EHBP1: variants seen among roughly 807,000 people sequenced by gnomAD.
EHBP1 encodes the protein EH domain binding protein 1.
Under a neutral mutation model 144.0 loss-of-function variants are expected in EHBP1, and 55 were observed. The observed-to-expected ratio is 0.38, with a 90% CI of 0.31 to 0.48. The LOEUF (loss-of-function observed/expected upper bound fraction) is 0.48, where lower values mean the gene tolerates loss of function less well. Among genes scored for constraint, EHBP1 ranks in the 20% least tolerant of loss-of-function variants. The pLI is 0.98. For synonymous variants in EHBP1, 469 were observed against 472.7 expected, an observed-to-expected ratio of 0.99 and a Z score of 0.10; for missense variants, 1,200 against 1,364.2, an observed-to-expected ratio of 0.88 and a Z score of 1.90.
intron 6 of EHBP1, among the ~76,000 whole-genome samples, chr2:62,827,351 A>T (rs180918279): frequency 6.6e-6 from 1 of 152,134 alleles, no homozygotes; most frequent in African/African-American, 2.4e-5. Context: ...AAAAATAAAG[A>T]TCTTACCCTG....
intron 10 of EHBP1, among the ~76,000 whole-genome samples, chr2:62,920,465 A>G (rs1262128408): frequency 2.0e-5 from 3 of 152,226 alleles, no homozygotes; most frequent in Non-Finnish European, 4.4e-5. Flanking sequence ...TTGCCCTGCA[A>G]GAAGTGCTAA....
At chr2:62,770,563 T>A (rs993637925) in intron 4 of EHBP1, among the ~76,000 whole-genome samples, 2 of 152,160 alleles carry the variant, frequency 1.3e-5, no homozygotes, top group Admixed American at 1.3e-4. Flanking sequence ...GTGGTAGGAA[T>A]GTAAATTAGT....
At chr2:62,829,571 T>TTG (rs56847662) in intron 6 of EHBP1, among the ~76,000 whole-genome samples, 17,163 of 142,352 alleles carry the variant, frequency 0.12, 1,334 homozygotes, top group Non-Finnish European at 0.17. Flanking sequence ...GTGTTCTATG[T>TTG]TGTGTGTGTG....
chr2:62,868,058 A>G lies in EHBP1; in HGVS notation c.998+3087A>G, dbSNP rs571196651. ...TAAAACATTTATCTAAAAATAGATC[A>G]CACAACTAAAAGTAAGAATAAAAAC... On this transcript the variant is annotated intron_variant, in intron 9 of 22. Coordinates refer to ENST00000431489, the MANE Select transcript of EHBP1 (RefSeq NM_001142616.3). Among the ~76,000 whole-genome samples, 15 of 152,286 alleles carry G rather than the reference A, an allele frequency of 9.8e-5. No homozygotes were observed. In the South Asian group the frequency reaches 2.9e-3, roughly 29 times the overall value.
At chr2:62,900,465 AT>A (rs897841137) in intron 10 of EHBP1, among the ~76,000 whole-genome samples, 6 of 151,786 alleles carry the variant, frequency 4.0e-5, no homozygotes, top group African/African-American at 1.5e-4. Context: ...TCACAAAACA[AT>A]TTTAATTAGG....
intron 19 of EHBP1, among the ~76,000 whole-genome samples, chr2:63,003,715 A>C (rs969955685): frequency 1.3e-5 from 2 of 152,108 alleles, no homozygotes; most frequent in African/African-American, 4.8e-5. Flanking sequence ...CATGGTTATG[A>C]AAATTGAACC....
intron 10 of EHBP1, among the ~76,000 whole-genome samples, chr2:62,928,677 C>A (rs2055732526): frequency 6.6e-6 from 1 of 151,590 alleles, no homozygotes. Flanking sequence ...ACTGGAAGAA[C>A]AAACTAAACC....
chr2:62,942,770 C>T lies in EHBP1; in HGVS notation c.1238C>T (p.Ser413Phe), dbSNP rs910753408. 1.2e-6 allele frequency: 2 copies of T among 1,613,488 alleles called. No homozygotes were observed. The highest frequency in any genetic ancestry group is 1.7e-6 in the Non-Finnish European group (2 of 1,179,620). ...GGGCGAAAGCCAAATGCTAGTCAGT[C>T]TTTGCTTGTATGGTGTAAAGAAGTT... The part of the protein sequence containing the change: ...VLGRKPNASQ[S>F]LLVWCKEVTK... Residue 413 changes from serine (S) to phenylalanine (F), a missense_variant, in exon 11 of 23, where the codon TCT becomes TTT. By Grantham distance (155) the Ser-to-Phe change is radical. Transcript: ENST00000431489.
At chr2:62,927,677 T>G (rs1215419069) in intron 10 of EHBP1, among the ~76,000 whole-genome samples, 1 of 152,156 alleles carries the variant, frequency 6.6e-6, no homozygotes, top group East Asian at 1.9e-4. Flanking sequence ...AGTTGGAAAC[T>G]TCTATACCCC....
intron 7 of EHBP1, among the ~76,000 whole-genome samples, chr2:62,834,730 G>C (rs1158288279): frequency 6.6e-6 from 1 of 152,180 alleles, no homozygotes; most frequent in Admixed American, 6.5e-5. Context: ...AGCATGGATT[G>C]AACGGCATGG....
chr2:62,929,426 T>C (rs2055801092), intron 10 of EHBP1, among the ~76,000 whole-genome samples: 1 of 152,146 alleles, frequency 6.6e-6, no homozygotes, highest in South Asian at 2.1e-4. Flanking sequence ...ATTAGACATA[T>C]GTAATCAGTG....
At chr2:62,903,300 A>G (rs1375197912) in intron 10 of EHBP1, among the ~76,000 whole-genome samples, 2 of 152,224 alleles carry the variant, frequency 1.3e-5, no homozygotes, top group African/African-American at 2.4e-5. Flanking sequence ...TTTTTACAAT[A>G]AATTTCTATC....
chr2:62,715,303 A>G (rs1388806997), intron 2 of EHBP1, among the ~76,000 whole-genome samples: 1 of 151,858 alleles, frequency 6.6e-6, no homozygotes, highest in Non-Finnish European at 1.5e-5. Context: ...TTTAACAGGG[A>G]TGGGGTTTCA....
chr2:62,782,740 G>A (rs866005844), intron 5 of EHBP1, among the ~76,000 whole-genome samples: 2 of 152,110 alleles, frequency 1.3e-5, no homozygotes, highest in African/African-American at 2.4e-5. Flanking sequence ...TACCCTTGAC[G>A]TGTGGAGATT....
chr2:62,999,362 G>A (rs1382277047), intron 19 of EHBP1, among the ~76,000 whole-genome samples: 6 of 152,038 alleles, frequency 3.9e-5, no homozygotes, highest in African/African-American at 1.4e-4. Flanking sequence ...TTAACCATTT[G>A]AAAATGCATA....
At chr2:62,931,417 AC>A (rs2055980153) in intron 10 of EHBP1, among the ~76,000 whole-genome samples, 1 of 152,194 alleles carries the variant, frequency 6.6e-6, no homozygotes, top group Non-Finnish European at 1.5e-5. Context: ...AAGAATTAGT[AC>A]CCTTGTGCAC....
intron 1 of EHBP1, among the ~76,000 whole-genome samples, chr2:62,694,562 G>A (rs996870479): frequency 4.6e-5 from 7 of 151,154 alleles, no homozygotes; most frequent in Admixed American, 1.3e-4. Flanking sequence ...CAACTGTGGA[G>A]AAACTCTTAC....
intron 10 of EHBP1, among the ~76,000 whole-genome samples, chr2:62,940,633 G>A (rs1412603061): frequency 1.3e-5 from 2 of 151,988 alleles, no homozygotes; most frequent in African/African-American, 4.8e-5. Context: ...TTAGGTAAAA[G>A]GTCAGTTCTG....
intron 10 of EHBP1, among the ~76,000 whole-genome samples, chr2:62,937,888 C>G (rs773872102): frequency 2.0e-5 from 3 of 152,010 alleles, no homozygotes; most frequent in Non-Finnish European, 4.4e-5. Context: ...GACTTTAAGC[C>G]GTGCTTTAAG....
Sources: gnomAD v4.1 joint callset for allele counts (sites outside exome capture counted in the v4.1 genomes callset) on GRCh38, gnomAD v4.1.1 for gene constraint, MANE v1.5 for transcripts, NCBI Gene and HGNC (gene_info 2026-07-23, HGNC 2026-07-21) for gene names.